The following GPC3 variants were observed in gnomAD, a reference collection of about 807,000 sequenced individuals.
The protein encoded by GPC3 is glypican 3.
Under a neutral mutation model 34.4 loss-of-function variants are expected in GPC3, and 3 were observed. The ratio of observed to expected loss-of-function variants is 0.09; its 90% confidence interval spans 0.04 to 0.23. GPC3 has a LOEUF of 0.23. GPC3 is among the 10% of genes least tolerant of loss of function. The pLI, the probability that GPC3 is intolerant of heterozygous loss-of-function variation, is 1.00. For synonymous variants in GPC3, 177 were observed against 174.0 expected, an observed-to-expected ratio of 1.02 and a Z score of -0.13; for missense variants, 351 against 445.6, an observed-to-expected ratio of 0.79 and a Z score of 1.91.
At chrX:133,596,391 T>C in intron 7 of GPC3, 49 bp downstream of exon 7, 1 of 1,100,854 alleles carries the variant, frequency 9.1e-7, no homozygotes, top group African/African-American at 1.8e-5. Flanking sequence ...TTTTAATTCC[T>C]GAGCATCACC....
intron 2 of GPC3, among the ~76,000 whole-genome samples, chrX:133,877,274 C>A (rs971374002): frequency 3.6e-5 from 4 of 111,719 alleles, no homozygotes; most frequent in African/African-American, 1.3e-4. Context: ...AGTTTTCCCT[C>A]ACAGTTAAAT....
chrX:133,723,310 G>A (rs2071385715), intron 3 of GPC3, among the ~76,000 whole-genome samples: 2 of 111,984 alleles, frequency 1.8e-5, no homozygotes, highest in African/African-American at 3.2e-5. Context: ...GCCCAGAAAA[G>A]GGCAGGGACT....
At chrX:133,691,162 T>A (rs1177389533) in intron 5 of GPC3, among the ~76,000 whole-genome samples, 1 of 111,508 alleles carries the variant, frequency 9.0e-6, no homozygotes, top group South Asian at 3.8e-4. Context: ...TCCTTTTCAG[T>A]GATGAGCAAA....
intron 2 of GPC3, among the ~76,000 whole-genome samples, chrX:133,894,553 G>A (rs1393373945): frequency 1.8e-5 from 2 of 112,106 alleles, no homozygotes; most frequent in African/African-American, 6.5e-5. Context: ...AGAAACACCT[G>A]AAGAGGCCGG....
At chrX:133,983,332 C>A (rs2076549484) in intron 1 of GPC3, among the ~76,000 whole-genome samples, 1 of 112,458 alleles carries the variant, frequency 8.9e-6, no homozygotes, top group Admixed American at 9.4e-5. Flanking sequence ...ATCTTTATTA[C>A]AAGTCCCTCT....
chrX:133,538,102 T>C (rs1185827691), intron 7 of GPC3, among the ~76,000 whole-genome samples: 4 of 111,772 alleles, frequency 3.6e-5, no homozygotes, highest in Non-Finnish European at 7.5e-5. Context: ...GGAGAAGCAA[T>C]TGAGCAGACT....
chrX:133,638,992 C>G (rs932467462), intron 6 of GPC3, among the ~76,000 whole-genome samples: 2 of 111,498 alleles, frequency 1.8e-5, no homozygotes, highest in Non-Finnish European at 3.8e-5. Context: ...ACTTTTCCCT[C>G]AGGCTCCTAA....
intron 2 of GPC3, among the ~76,000 whole-genome samples, chrX:133,911,536 T>A (rs185923807): frequency 6.2e-4 from 69 of 112,030 alleles, no homozygotes; most frequent in African/African-American, 2.1e-3. Context: ...TATGCTGCCA[T>A]CCTAGTCAAG....
At chrX:133,846,606 G>T (rs1437693256) in intron 2 of GPC3, among the ~76,000 whole-genome samples, 2 of 111,266 alleles carry the variant, frequency 1.8e-5, no homozygotes, top group Non-Finnish European at 3.8e-5. Context: ...GAACCAGAAC[G>T]ATATCCAACA....
chrX:133,791,512 A>G (rs2072159755), intron 2 of GPC3, among the ~76,000 whole-genome samples: 1 of 111,637 alleles, frequency 9.0e-6, no homozygotes, highest in African/African-American at 3.3e-5. Flanking sequence ...GAAGCAGCTC[A>G]ATAATTATCT....
intron 7 of GPC3, among the ~76,000 whole-genome samples, chrX:133,589,480 C>T (rs1416133556): frequency 9.0e-6 from 1 of 111,407 alleles, no homozygotes; most frequent in African/African-American, 3.3e-5. Flanking sequence ...AGGTTCAAGC[C>T]ATTCTCCTCC....
Position 133,553,330 on chromosome X carries a change from T to C in GPC3, c.1574-17037A>G, listed in dbSNP as rs1373306514. ...TTTCAGTATGAAATCTCACTTTCTG[T>C]AGGGCCAATAAGGAATCCATGTTTA... On this transcript the variant is annotated intron_variant, in intron 7 of 7. Coordinates refer to ENST00000370818, the MANE Select transcript of GPC3 (RefSeq NM_004484.4). 3.6e-5 allele frequency among the ~76,000 whole-genome samples: 4 copies of C among 111,590 alleles called. No individual in the cohort carries two copies. The Admixed American group carries it at 3.8e-4, about 11-fold the overall frequency.
At chrX:133,958,377 T>TA (rs1183146646) in intron 1 of GPC3, among the ~76,000 whole-genome samples, 68 of 108,467 alleles carry the variant, frequency 6.3e-4, no homozygotes, top group Non-Finnish European at 1.0e-3. Context: ...CCCGTCTCTA[T>TA]AAAAAAATTT....
chrX:133,787,229 T>C (rs1737816250), intron 2 of GPC3, among the ~76,000 whole-genome samples: 1 of 112,001 alleles, frequency 8.9e-6, no homozygotes, highest in Admixed American at 9.4e-5. Flanking sequence ...CATTTATCAA[T>C]GGCAAAGGAA....
intron 2 of GPC3, among the ~76,000 whole-genome samples, chrX:133,841,215 ATTTTTTTT>A (rs769696321): frequency 1.8e-4 from 7 of 39,248 alleles, no homozygotes; most frequent in African/African-American, 2.8e-4. Flanking sequence ...TAATCTTTTA[ATTTTTTTT>A]TTTTTTTTTT....
chrX:133,838,850 C>T (rs932676946), intron 2 of GPC3, among the ~76,000 whole-genome samples: 1 of 111,949 alleles, frequency 8.9e-6, no homozygotes, highest in Non-Finnish European at 1.9e-5. Context: ...CTCTTTAACA[C>T]CCTTAGCGGG....
intron 2 of GPC3, among the ~76,000 whole-genome samples, chrX:133,897,281 C>T (rs1004587513): frequency 1.0e-5 from 1 of 99,680 alleles, no homozygotes; most frequent in African/African-American, 3.7e-5. Context: ...AACTCCTGGA[C>T]ACAAGCCATC....
chrX:133,969,657 T>C (rs1357995019), intron 1 of GPC3, among the ~76,000 whole-genome samples: 1 of 111,305 alleles, frequency 9.0e-6, no homozygotes, highest in Non-Finnish European at 1.9e-5. Context: ...GAGTGCAATA[T>C]GAGGAGGCAC....
intron 1 of GPC3, among the ~76,000 whole-genome samples, chrX:133,958,493 C>A (rs1408926182): frequency 1.0e-5 from 1 of 100,236 alleles, no homozygotes; most frequent in Non-Finnish European, 2.0e-5. Flanking sequence ...TATAGTGAGC[C>A]ATGATGGCAC....
Sources: allele counts gnomAD v4.1 joint callset (sites outside exome capture counted in the v4.1 genomes callset), GRCh38; gene constraint gnomAD v4.1.1; transcripts MANE v1.5; gene names NCBI Gene and HGNC (gene_info 2026-07-23, HGNC 2026-07-21).